JMJD1C: variants seen among roughly 807,000 people sequenced by gnomAD.
The protein encoded by JMJD1C is jumonji domain-containing protein 1C.
In JMJD1C, 31 loss-of-function variants were observed where a neutral mutation model predicts 245.3. That is an observed-to-expected ratio of 0.13 (90% CI 0.09 to 0.17). The LOEUF (loss-of-function observed/expected upper bound fraction) is 0.17. Among genes scored for constraint, JMJD1C ranks in the 10% least tolerant of loss-of-function variants. The probability of loss-of-function intolerance (pLI) is 1.00; values close to 1 mark genes in which losing one functional copy is unlikely to be tolerated. For missense variants in JMJD1C, 2,691 were observed against 3,000.2 expected, an observed-to-expected ratio of 0.90 and a Z score of 2.41; for synonymous variants, 1,057 against 1,017.4, an observed-to-expected ratio of 1.04 and a Z score of -0.74.
chr10:63,374,059 C>T (rs887420709), intron 2 of JMJD1C, among the ~76,000 whole-genome samples: 2 of 152,102 alleles, frequency 1.3e-5, no homozygotes, highest in African/African-American at 2.4e-5. Flanking sequence ...ATGACAATAT[C>T]CCATTGCATA....
intron 1 of JMJD1C, 75 bp downstream of exon 1, chr10:63,465,420 G>A (rs912916991): frequency 7.8e-6 from 11 of 1,405,244 alleles, no homozygotes; most frequent in African/African-American, 2.8e-5. Flanking sequence ...GGCGCCAGAG[G>A]GAAGCCTGCA....
chr10:63,321,176 T>C (rs1306294849), intron 2 of JMJD1C, among the ~76,000 whole-genome samples: 5 of 152,252 alleles, frequency 3.3e-5, no homozygotes, highest in Non-Finnish European at 7.3e-5. Flanking sequence ...TGTATCTTCA[T>C]CTGGCTATTC....
intron 2 of JMJD1C, among the ~76,000 whole-genome samples, chr10:63,287,264 C>T (rs1858093246): frequency 6.6e-6 from 1 of 152,236 alleles, no homozygotes; most frequent in African/African-American, 2.4e-5. Flanking sequence ...GTGTATTAAG[C>T]ACTGTCTCAG....
intron 1 of JMJD1C, among the ~76,000 whole-genome samples, chr10:63,414,283 C>G (rs549749222): frequency 6.6e-6 from 1 of 152,206 alleles, no homozygotes; most frequent in Admixed American, 6.5e-5. Flanking sequence ...ACGCACCCAG[C>G]CAATACTGTG....
intron 2 of JMJD1C, among the ~76,000 whole-genome samples, chr10:63,266,847 T>A (rs1855633861): frequency 6.6e-6 from 1 of 152,184 alleles, no homozygotes; most frequent in Admixed American, 6.5e-5. Context: ...CTATGAGACC[T>A]AGTCATTTTA....
intron 2 of JMJD1C, among the ~76,000 whole-genome samples, chr10:63,305,462 CTCTCTCT>C (rs1236046813): frequency 1.1e-4 from 3 of 27,534 alleles, no homozygotes; most frequent in African/African-American, 8.0e-4. Context: ...CTCTGACCCT[CTCTCTCT>C]CTCTCTCTCT....
At chr10:63,288,023 G>A (rs1263623450) in intron 2 of JMJD1C, among the ~76,000 whole-genome samples, 3 of 152,156 alleles carry the variant, frequency 2.0e-5, no homozygotes, top group African/African-American at 7.2e-5. Context: ...GCGATTACAG[G>A]TGTGAGCCAC....
chr10:63,314,560 C>CAT (rs1939679544), intron 2 of JMJD1C, among the ~76,000 whole-genome samples: 1 of 151,860 alleles, frequency 6.6e-6, no homozygotes, highest in Non-Finnish European at 1.5e-5. Flanking sequence ...CACACACACA[C>CAT]AAACTATATT....
intron 1 of JMJD1C, chr10:63,465,236 C>A: frequency 2.4e-6 from 1 of 414,720 alleles, no homozygotes. Flanking sequence ...CGCGGTCGAC[C>A]CCTCCGGGAT....
chr10:63,288,449 T>TA (rs540479020), intron 2 of JMJD1C, among the ~76,000 whole-genome samples: 7 of 152,280 alleles, frequency 4.6e-5, no homozygotes, highest in South Asian at 2.1e-4. Context: ...AAAGCTCCTA[T>TA]AAAAAAATCC....
intron 14 of JMJD1C, 126 bp downstream of exon 14, chr10:63,194,160 G>T: frequency 1.5e-6 from 1 of 676,630 alleles, no homozygotes; most frequent in East Asian, 2.7e-5. Flanking sequence ...TCCAATAACT[G>T]AGCAAGACAA....
intron 1 of JMJD1C, among the ~76,000 whole-genome samples, chr10:63,421,463 A>G (rs1950122505): frequency 6.6e-6 from 1 of 152,202 alleles, no homozygotes; most frequent in African/African-American, 2.4e-5. Flanking sequence ...GAACTGGTGG[A>G]GGTTCTGGAG....
intron 2 of JMJD1C, chr10:63,269,217 G>C: frequency 1.0e-6 from 1 of 985,406 alleles, no homozygotes; most frequent in Non-Finnish European, 1.2e-6. Context: ...ACCCAAATGA[G>C]AACGAGTACT....
chr10:63,185,593 C>T lies in JMJD1C; in HGVS notation c.6800G>A (p.Gly2267Glu). 6.2e-7 allele frequency: 1 copy of T among 1,607,340 alleles called. No homozygotes were observed. Among genetic ancestry groups the T allele is most frequent in the East Asian group, 2.2e-5 (1 of 44,850 alleles). Residue 2267 changes from glycine (G) to glutamate (E), a missense_variant, in exon 20 of 26, where the codon GGA (glycine) becomes GAA (glutamate). Physicochemically the swap from Gly to Glu is moderately conservative, Grantham distance 98. Transcript: ENST00000399262. ...VVLKLKDWPS[G>E]EDFKTMMPAR... ...TGGCATCATAGTCTTGAAGTCTTCT[C>T]CTGAAGGCCAGTCTTTCAATTTTAA...
intron 2 of JMJD1C, among the ~76,000 whole-genome samples, chr10:63,374,194 A>T (rs1465473233): frequency 6.6e-6 from 1 of 152,190 alleles, no homozygotes; most frequent in Non-Finnish European, 1.5e-5. Flanking sequence ...AACAAATATA[A>T]AAAACTCAAA....
chr10:63,495,462 A>G (rs1278848844), intron 1 of JMJD1C, among the ~76,000 whole-genome samples: 1 of 152,154 alleles, frequency 6.6e-6, no homozygotes, highest in African/African-American at 2.4e-5. Flanking sequence ...GACTCTAAGG[A>G]AACAGTTCAT....
intron 3 of JMJD1C, among the ~76,000 whole-genome samples, chr10:63,233,022 T>A (rs891300090): frequency 1.3e-5 from 2 of 152,300 alleles, no homozygotes; most frequent in Non-Finnish European, 1.5e-5. Context: ...TACAATGCTG[T>A]CTAATTCCAC....
At chr10:63,493,438 C>G (rs895631637) in intron 1 of JMJD1C, among the ~76,000 whole-genome samples, 1 of 151,518 alleles carries the variant, frequency 6.6e-6, no homozygotes, top group Non-Finnish European at 1.5e-5. Context: ...TCAGCCACCA[C>G]GCCCTGCTAA....
intron 1 of JMJD1C, among the ~76,000 whole-genome samples, chr10:63,431,488 ACTC>A (rs1193015661): frequency 2.0e-5 from 3 of 152,178 alleles, no homozygotes; most frequent in Non-Finnish European, 4.4e-5. Context: ...GTATCCATCT[ACTC>A]CTGCTTTCTT....
Sources: allele counts gnomAD v4.1 joint callset (sites outside exome capture counted in the v4.1 genomes callset), GRCh38; gene constraint gnomAD v4.1.1; transcripts MANE v1.5; gene names NCBI Gene and HGNC (gene_info 2026-07-23, HGNC 2026-07-21).